Variants in CALCRL observed in about 807,000 individuals in gnomAD.
CALCRL encodes the protein calcitonin gene-related peptide type 1 receptor.
A neutral mutation model predicts 60.4 loss-of-function variants in CALCRL; 27 were observed. The observed-to-expected ratio is 0.45, with a 90% CI of 0.33 to 0.62. The LOEUF is 0.62. Ranked by LOEUF, CALCRL falls within the 20% of genes least tolerant of loss-of-function variation. The pLI is 0.03. For synonymous variants in CALCRL, 190 were observed against 182.6 expected (o/e 1.04, Z -0.33); for missense variants, 424 against 540.7 (o/e 0.78, Z 2.14).
At position 187,415,851 on chromosome 2, in the gene CALCRL, C is replaced by T. The variant is rs900442701; in HGVS notation, c.-292-28095G>A. 8.4e-6 allele frequency: 3 copies of T among 355,978 alleles called. 1 individual carries two copies. The highest frequency in any genetic ancestry group is 1.6e-3 in the Middle Eastern group (2 of 1,252). The allele number at this position is 355,978 out of a possible 1,614,324, so 22.1% of individuals were successfully genotyped here. A position where few individuals can be genotyped will look rare whatever the true frequency, so the allele number is the denominator to read the frequency against. Reference sequence around the variant, plus strand: ...CACATGGCCTCCAGAAAGTAAGACCCCTGCACCACCAGCCCCAGCAAGAGC... The same window carrying T: ...CACATGGCCTCCAGAAAGTAAGACCTCTGCACCACCAGCCCCAGCAAGAGC... On this transcript the variant is annotated intron_variant, in intron 1 of 14. Transcript: ENST00000392370.
rs903150680 is a variant in CALCRL, at chr2:187,448,070, A to G, written c.-324T>C. ...CAGCTCTTAAGGAAATTCTTTGTGAAATATTCTCAGGATGGAACTTTACTT... is the reference window on the plus strand; with the variant it reads ...CAGCTCTTAAGGAAATTCTTTGTGAGATATTCTCAGGATGGAACTTTACTT... On this transcript the variant is annotated 5_prime_UTR_variant, in exon 1 of 15. Coordinates refer to ENST00000392370, the MANE Select transcript of CALCRL (RefSeq NM_005795.6). The G allele has an allele frequency of 1.3e-5, 2 of 152,094 alleles. No individual in the cohort carries two copies. Among genetic ancestry groups the G allele is most frequent in the African/African-American group, 4.8e-5 (2 of 41,422 alleles). The allele number at this position is 152,094 out of a possible 1,614,324, so 9.4% of individuals were successfully genotyped here.
chr2:187,381,318 T>C (rs1687976589), intron 5 of CALCRL, among the ~76,000 whole-genome samples: 1 of 152,154 alleles, frequency 6.6e-6, no homozygotes, highest in Non-Finnish European at 1.5e-5. Flanking sequence ...TCAAATAAGG[T>C]AGAATGTTCA....
chr2:187,446,348 G>A (rs999252981), intron 1 of CALCRL, among the ~76,000 whole-genome samples: 3 of 151,386 alleles, frequency 2.0e-5, no homozygotes, highest in African/African-American at 7.2e-5. Context: ...ATTTCCTTTG[G>A]CTAATGACCT....
chr2:187,358,093 G>A (rs1446344999), intron 12 of CALCRL, among the ~76,000 whole-genome samples: 1 of 152,054 alleles, frequency 6.6e-6, no homozygotes, highest in Non-Finnish European at 1.5e-5. Context: ...TAATACACTT[G>A]TAATCCCAGC....
chr2:187,430,067 T>C (rs1690333915), intron 1 of CALCRL, among the ~76,000 whole-genome samples: 1 of 152,186 alleles, frequency 6.6e-6, no homozygotes, highest in Non-Finnish European at 1.5e-5. Context: ...TGATCTGATA[T>C]TACTTCACAT....
rs918198549 is a variant in CALCRL at position 187,345,322 on chromosome 2, T to C, written c.*862A>G. Reference sequence around the variant, plus strand: ...GAAAATAAGAAATCCTTCATTGATTTTCTTTATATAAAATGATTGCTAATT... The same window carrying C: ...GAAAATAAGAAATCCTTCATTGATTCTCTTTATATAAAATGATTGCTAATT... On this transcript the variant is annotated 3_prime_UTR_variant, in exon 15 of 15. Coordinates refer to ENST00000392370, the MANE Select transcript of CALCRL (RefSeq NM_005795.6). The C allele has an allele frequency of 3.3e-5, 5 of 152,318 alleles. No homozygotes were observed. Among genetic ancestry groups the C allele is most frequent in the East Asian group, 1.9e-4 (1 of 5,188 alleles). 9.4% of individuals were successfully genotyped at this position (152,318 alleles called of 1,614,324 possible).
chr2:187,419,822 A>G (rs1322374378), intron 1 of CALCRL, among the ~76,000 whole-genome samples: 3 of 152,214 alleles, frequency 2.0e-5, no homozygotes, highest in Non-Finnish European at 4.4e-5. Context: ...AGAAGCATAA[A>G]TCTGTCTCTA....
At chr2:187,373,886 C>T (rs538498363) in intron 8 of CALCRL, among the ~76,000 whole-genome samples, 6 of 152,150 alleles carry the variant, frequency 3.9e-5, no homozygotes, top group Non-Finnish European at 8.8e-5. Context: ...TCAGGCTGGG[C>T]ACAGTGGCTC....
At chr2:187,360,794 T>C in intron 9 of CALCRL, 43 bp from the exon 10 acceptor site, 4 of 1,563,692 alleles carry the variant, frequency 2.6e-6, no homozygotes, top group Non-Finnish European at 2.6e-6. Flanking sequence ...TGTTTATGAA[T>C]TCACATGTAA....
At chr2:187,446,585 T>C (rs1574338554) in intron 1 of CALCRL, among the ~76,000 whole-genome samples, 1 of 151,740 alleles carries the variant, frequency 6.6e-6, no homozygotes, top group African/African-American at 2.4e-5. Flanking sequence ...AATAATGTTG[T>C]TTTAATTTTT....
Position 187,380,441 on chromosome 2 carries a change from A to C in CALCRL, c.408+26T>G, listed in dbSNP as rs771528712. 3.0e-6 allele frequency: 4 copies of C among 1,355,092 alleles called. No individual in the cohort carries two copies. In the Admixed American group the frequency reaches 5.1e-5, roughly 17 times the overall value. 83.9% of individuals were successfully genotyped at this position (1,355,092 alleles called of 1,614,324 possible). On this transcript the variant is annotated intron_variant, in intron 7 of 14. Coordinates refer to ENST00000392370, the MANE Select transcript of CALCRL (RefSeq NM_005795.6). Reference sequence around the variant, plus strand: ...CTGTTTAAACAGATACTGTAAGTTAAATTTCAATTCAGAATTATGACATAC... The same window carrying C: ...CTGTTTAAACAGATACTGTAAGTTACATTTCAATTCAGAATTATGACATAC...
chr2:187,397,316 A>C (rs555584049), intron 1 of CALCRL, among the ~76,000 whole-genome samples: 1 of 151,582 alleles, frequency 6.6e-6, no homozygotes, highest in African/African-American at 2.4e-5. Flanking sequence ...TCTGTCATTT[A>C]AGTAGTTATG....
chr2:187,439,514 A>C (rs568794652), intron 1 of CALCRL, among the ~76,000 whole-genome samples: 2 of 152,120 alleles, frequency 1.3e-5, no homozygotes, highest in South Asian at 2.1e-4. Flanking sequence ...AAAAACCAAC[A>C]AAAAAACAGT....
At chr2:187,426,242 AT>A (rs35722786) in intron 1 of CALCRL, among the ~76,000 whole-genome samples, 154 of 146,866 alleles carry the variant, frequency 1.0e-3, no homozygotes, top group African/African-American at 3.1e-3. Flanking sequence ...GTCATTTATT[AT>A]TTTTTTTTTT....
chr2:187,433,784 A>T (rs1197415986), intron 1 of CALCRL, among the ~76,000 whole-genome samples: 2 of 152,110 alleles, frequency 1.3e-5, no homozygotes, highest in Non-Finnish European at 2.9e-5. Flanking sequence ...AAGTATATTT[A>T]TGAAGAGAAA....
At chr2:187,349,496 T>C (rs758132090) in intron 14 of CALCRL, among the ~76,000 whole-genome samples, 1 of 151,320 alleles carries the variant, frequency 6.6e-6, no homozygotes, top group Non-Finnish European at 1.5e-5. Context: ...GTTATGAGAG[T>C]GGGAAAAAGT....
At chr2:187,416,086 G>C (rs1689592491) in intron 1 of CALCRL, among the ~76,000 whole-genome samples, 3 of 152,142 alleles carry the variant, frequency 2.0e-5, no homozygotes, top group African/African-American at 7.2e-5. Flanking sequence ...ATTGAAAAAT[G>C]CTAAGAGAGT....
chr2:187,364,855 A>G (rs1262533391), intron 8 of CALCRL, among the ~76,000 whole-genome samples: 1 of 152,106 alleles, frequency 6.6e-6, no homozygotes, highest in East Asian at 1.9e-4. Context: ...TCTTGGAATG[A>G]TTGCTGAGTG....
intron 12 of CALCRL, 109 bp downstream of exon 12, chr2:187,358,954 G>A: frequency 1.2e-6 from 1 of 852,538 alleles, no homozygotes; most frequent in African/African-American, 1.7e-5. Flanking sequence ...CTGTGAACAT[G>A]CATGTCCATC....
Sources: allele counts gnomAD v4.1 joint callset (sites outside exome capture counted in the v4.1 genomes callset), GRCh38; gene constraint gnomAD v4.1.1; transcripts MANE v1.5; gene names NCBI Gene and HGNC (gene_info 2026-07-23, HGNC 2026-07-21).